Variants in RPS6KC1 observed in about 807,000 individuals in gnomAD.
RPS6KC1 encodes the protein inactive ribosomal protein S6 kinase delta-1.
Under a neutral mutation model 103.8 loss-of-function variants are expected in RPS6KC1, and 54 were observed. That is an observed-to-expected ratio of 0.52 (90% CI 0.42 to 0.65). The LOEUF (loss-of-function observed/expected upper bound fraction) is 0.65, where lower values mean the gene tolerates loss of function less well. RPS6KC1 is among the 30% of genes least tolerant of loss of function. The pLI is 0.00. For missense variants in RPS6KC1, 1,151 were observed against 1,253.8 expected, an observed-to-expected ratio of 0.92 and a Z score of 1.24; for synonymous variants, 439 against 438.7, an observed-to-expected ratio of 1.00 and a Z score of -0.01.
chr1:213,342,698 A>G, the RPS6KC1 span, among the ~76,000 whole-genome samples: 4 of 152,182 alleles, frequency 2.6e-5, no homozygotes, highest in Admixed American at 2.6e-4. Flanking sequence ...CTTTTAACAC[A>G]AAAGTCTACA....
chr1:213,579,034 T>C, the RPS6KC1 span, among the ~76,000 whole-genome samples: 2 of 152,084 alleles, frequency 1.3e-5, no homozygotes, highest in Admixed American at 1.3e-4. Context: ...GGAGGGACCC[T>C]GGTGGGAGGT....
intron 6 of RPS6KC1, among the ~76,000 whole-genome samples, chr1:213,155,488 T>A (rs1284661356): frequency 6.6e-6 from 1 of 152,108 alleles, no homozygotes; most frequent in Non-Finnish European, 1.5e-5. Context: ...CCATCTTGGG[T>A]GGGCTTTAGC....
At chr1:213,156,596 AG>A (rs1193564662) in intron 6 of RPS6KC1, among the ~76,000 whole-genome samples, 7 of 152,252 alleles carry the variant, frequency 4.6e-5, no homozygotes, top group African/African-American at 1.4e-4. Context: ...AGCAGGCAGA[AG>A]AAAAAAGACA....
At chr1:213,855,594 T>A in the RPS6KC1 span, among the ~76,000 whole-genome samples, 1 of 152,198 alleles carries the variant, frequency 6.6e-6, no homozygotes, top group Non-Finnish European at 1.5e-5. Context: ...TGTGCCCTGC[T>A]TCTTTCTCTC....
chr1:213,092,685 A>G (rs1004450291), intron 3 of RPS6KC1, among the ~76,000 whole-genome samples: 4 of 149,870 alleles, frequency 2.7e-5, no homozygotes, highest in Non-Finnish European at 5.9e-5. Context: ...AAAAAAAAAA[A>G]AGAAATACAC....
chr1:213,740,296 T>C, the RPS6KC1 span, among the ~76,000 whole-genome samples: 2 of 152,108 alleles, frequency 1.3e-5, no homozygotes. Flanking sequence ...TAGGGCTTAT[T>C]AGAAAAATAG....
At chr1:213,321,600 A>G in the RPS6KC1 span, among the ~76,000 whole-genome samples, 3 of 152,238 alleles carry the variant, frequency 2.0e-5, no homozygotes, top group Non-Finnish European at 4.4e-5. Flanking sequence ...AGCACCTACT[A>G]TGGACCAGGC....
chr1:213,569,247 T>G, the RPS6KC1 span, among the ~76,000 whole-genome samples: 2 of 152,186 alleles, frequency 1.3e-5, no homozygotes, highest in African/African-American at 2.4e-5. Context: ...CTAGTGGGTC[T>G]TAGCTCTCCC....
At chr1:213,343,270 G>A in the RPS6KC1 span, among the ~76,000 whole-genome samples, 2 of 149,994 alleles carry the variant, frequency 1.3e-5, no homozygotes, top group South Asian at 2.1e-4. Context: ...GTAGGGATGA[G>A]GAAACCAAGA....
the RPS6KC1 span, among the ~76,000 whole-genome samples, chr1:213,665,299 T>A: frequency 6.6e-6 from 1 of 151,922 alleles, no homozygotes; most frequent in Non-Finnish European, 1.5e-5. Context: ...GAGGTTAAGA[T>A]CCTTAATGTA....
chr1:213,314,339 G>A, the RPS6KC1 span, among the ~76,000 whole-genome samples: 5 of 152,296 alleles, frequency 3.3e-5, no homozygotes, highest in South Asian at 4.1e-4. Context: ...CTTCAACATA[G>A]CTTTCTGGGG....
the RPS6KC1 span, among the ~76,000 whole-genome samples, chr1:213,626,446 C>G: frequency 6.6e-6 from 1 of 152,108 alleles, no homozygotes; most frequent in African/African-American, 2.4e-5. Flanking sequence ...TCCCATTTGT[C>G]AATTTTGGCT....
the RPS6KC1 span, among the ~76,000 whole-genome samples, chr1:213,415,218 G>T: frequency 6.6e-6 from 1 of 152,220 alleles, no homozygotes; most frequent in Non-Finnish European, 1.5e-5. Context: ...TACTGTTCCA[G>T]TGAGGTGGAA....
At chr1:213,423,803 C>T in the RPS6KC1 span, among the ~76,000 whole-genome samples, 1 of 144,966 alleles carries the variant, frequency 6.9e-6, no homozygotes, top group Non-Finnish European at 1.5e-5. Context: ...AGAGGGGAGG[C>T]GGCGGGAGGA....
chr1:213,588,294 G>T, the RPS6KC1 span, among the ~76,000 whole-genome samples: 1 of 148,318 alleles, frequency 6.7e-6, no homozygotes, highest in Admixed American at 6.7e-5. Flanking sequence ...TAAAACCTCT[G>T]TCTTTTTTTT....
chr1:213,389,751 C>T, the RPS6KC1 span, among the ~76,000 whole-genome samples: 1 of 152,278 alleles, frequency 6.6e-6, no homozygotes, highest in South Asian at 2.1e-4. Context: ...CCCTCTTTCC[C>T]GGTCCTCTGC....
At chr1:213,209,294 G>T (rs764962567) in intron 8 of RPS6KC1, among the ~76,000 whole-genome samples, 2 of 152,102 alleles carry the variant, frequency 1.3e-5, no homozygotes, top group Non-Finnish European at 2.9e-5. Flanking sequence ...CTTTGATAGT[G>T]TTACCAGAAA....
chr1:213,101,176 A>G (rs189560451), intron 3 of RPS6KC1, among the ~76,000 whole-genome samples: 78 of 152,212 alleles, frequency 5.1e-4, no homozygotes, highest in Non-Finnish European at 9.3e-4. Context: ...TTTTCTAATG[A>G]TCAGTGATGT....
downstream of RPS6KC1, among the ~76,000 whole-genome samples, chr1:213,276,664 A>G (rs891692806): frequency 6.6e-6 from 1 of 152,158 alleles, no homozygotes; most frequent in Non-Finnish European, 1.5e-5. Flanking sequence ...CTGTTTTCTT[A>G]TTGTTTTTCT....
Sources: allele counts gnomAD v4.1 joint callset (sites outside exome capture counted in the v4.1 genomes callset), GRCh38; gene constraint gnomAD v4.1.1; transcripts MANE v1.5; gene names NCBI Gene and HGNC (gene_info 2026-07-23, HGNC 2026-07-21).